GFM2: variants seen among roughly 807,000 people sequenced by gnomAD.
GFM2 encodes ribosome-releasing factor 2, mitochondrial.
GFM2 carries 72 observed loss-of-function variants against 95.4 expected under a neutral mutation model. That is an observed-to-expected ratio of 0.76 (90% CI 0.62 to 0.92). The LOEUF (loss-of-function observed/expected upper bound fraction) is 0.92, where lower values mean the gene tolerates loss of function less well. Among genes scored for constraint, GFM2 ranks in the 40% least tolerant of loss-of-function variants. The probability of loss-of-function intolerance (pLI) is 0.00; values close to 1 mark genes in which losing one functional copy is unlikely to be tolerated. For synonymous variants in GFM2, 276 were observed against 317.5 expected, an observed-to-expected ratio of 0.87 and a Z score of 1.39; for missense variants, 825 against 924.1, an observed-to-expected ratio of 0.89 and a Z score of 1.39.
At chr5:74,756,023 G>A (rs977409625) in intron 5 of GFM2, among the ~76,000 whole-genome samples, 5 of 152,102 alleles carry the variant, frequency 3.3e-5, no homozygotes, top group Admixed American at 2.6e-4. Flanking sequence ...GATCAAGTAG[G>A]TTTCATACCA....
intron 8 of GFM2, among the ~76,000 whole-genome samples, chr5:74,746,790 A>G (rs569614235): frequency 6.6e-6 from 1 of 152,208 alleles, no homozygotes; most frequent in African/African-American, 2.4e-5. Flanking sequence ...CTGACAATAA[A>G]TAAGTACTTC....
chr5:74,750,680 TAAG>T lies in GFM2; in HGVS notation c.431-16_431-14del. The T allele has an allele frequency of 6.3e-7, 1 of 1,586,944 alleles. No homozygotes were observed. The highest frequency in any genetic ancestry group is 8.6e-7 in the Non-Finnish European group (1 of 1,156,954). On this transcript the variant is annotated splice_polypyrimidine_tract_variant and intron_variant, in intron 6 of 20. Coordinates refer to ENST00000296805, the MANE Select transcript of GFM2 (RefSeq NM_032380.5). ...AAGTCCACATGACCTAAGAAAAAGA[TAAG>T]ACGTATAATGCCTTCTTTTTAACAA...
At chr5:74,758,716 T>C in intron 5 of GFM2, 133 bp downstream of exon 5, 1 of 617,266 alleles carries the variant, frequency 1.6e-6, no homozygotes, top group Non-Finnish European at 2.9e-6. Context: ...AACTATCTTA[T>C]CTTTAAATTG....
chr5:74,726,682 C>T (rs1252981223), intron 17 of GFM2, among the ~76,000 whole-genome samples: 2 of 152,136 alleles, frequency 1.3e-5, no homozygotes, highest in Non-Finnish European at 2.9e-5. Context: ...AACCAACAAT[C>T]TCCAATATTT....
At chr5:74,765,559 C>T (rs186033627) in intron 1 of GFM2, among the ~76,000 whole-genome samples, 1 of 152,114 alleles carries the variant, frequency 6.6e-6, no homozygotes, top group East Asian at 1.9e-4. Flanking sequence ...GGAGGAAATT[C>T]GGGGGATTGA....
At chr5:74,748,117 G>A (rs1743483479) in intron 7 of GFM2, among the ~76,000 whole-genome samples, 1 of 152,072 alleles carries the variant, frequency 6.6e-6, no homozygotes, top group Non-Finnish European at 1.5e-5. Flanking sequence ...TTCTTGTTTG[G>A]CTTCACTTTT....
chr5:74,721,318 A>C lies in GFM2; in HGVS notation c.*337T>G. The stretch of plus-strand genomic sequence containing the variant: ...TGACCCTCTATCTTATTACATTTAG[A>C]GGCCTGGCATCTTTCTTGTGAGACA... On this transcript the variant is annotated 3_prime_UTR_variant, in exon 21 of 21. Transcript: ENST00000296805. 3 of 797,194 alleles carry C rather than the reference A, an allele frequency of 3.8e-6. No individual in the cohort carries two copies. Among genetic ancestry groups the C allele is most frequent in the Non-Finnish European group, 6.5e-6 (3 of 459,766 alleles). 49.4% of individuals were successfully genotyped at this position (797,194 alleles called of 1,614,324 possible). A position where few individuals can be genotyped will look rare whatever the true frequency, so the allele number is the denominator to read the frequency against.
intron 7 of GFM2, among the ~76,000 whole-genome samples, chr5:74,748,923 A>G (rs1179555765): frequency 7.2e-6 from 1 of 139,076 alleles, no homozygotes; most frequent in Non-Finnish European, 1.5e-5. Flanking sequence ...AAAATAAAAA[A>G]AAATAAAAAA....
chr5:74,746,163 A>C lies in GFM2; in HGVS notation c.611T>G (p.Phe204Cys). 6.8e-7 allele frequency: 1 copy of C among 1,479,494 alleles called. No individual in the cohort carries two copies. Among genetic ancestry groups the C allele is most frequent in the South Asian group, 1.4e-5 (1 of 69,122 alleles). The allele number at this position is 1,479,494 out of a possible 1,614,324, so 91.6% of individuals were successfully genotyped here. Reference protein sequence around the residue: ...LNKMDKTGASFKYAVESIREK... With the variant: ...LNKMDKTGASCKYAVESIREK... ...TCTGATGCTTTCAACTGCATACTTA[A>C]AGCTGTAGAAAGCAAAATAATTATA... The change falls in exon 9 of 21, where the codon TTT (phenylalanine) becomes TGT (cysteine). Residue 204 changes from phenylalanine (F) to cysteine (C), a missense_variant and splice_region_variant. By Grantham distance (205) the Phe-to-Cys change is radical. Coordinates refer to ENST00000296805, the MANE Select transcript of GFM2 (RefSeq NM_032380.5).
chr5:74,730,576 T>C (rs1366655774), intron 16 of GFM2, 178 bp from the exon 17 acceptor site: 7 of 423,348 alleles, frequency 1.7e-5, no homozygotes, highest in Non-Finnish European at 2.9e-5. Context: ...CTGACTGGAA[T>C]AATGAATCAA....
chr5:74,726,121 A>G lies in GFM2; in HGVS notation c.1732T>C (p.Leu578=). 1 of 1,601,862 alleles carries G rather than the reference A, an allele frequency of 6.2e-7. No homozygotes were observed. Among genetic ancestry groups the G allele is most frequent in the East Asian group, 2.2e-5 (1 of 44,776 alleles). The stretch of plus-strand genomic sequence containing the variant: ...CTTTTGTCTCCTAAAGTTCTATCTA[A>G]GGTATCTGTAAACAAATTGAATATG... The part of the protein sequence containing the change: ...ILNSVRATDT[L]DRTLGDKRHL... The change falls in exon 18 of 21, where the codon TTA becomes CTA. Residue 578 remains leucine, a synonymous_variant. Transcript: ENST00000296805.
chr5:74,738,682 T>C (rs1288509887), intron 12 of GFM2, 40 bp from the exon 13 acceptor site: 1 of 1,561,440 alleles, frequency 6.4e-7, no homozygotes, highest in Non-Finnish European at 8.7e-7. Flanking sequence ...TAAAATACAC[T>C]TCCCATAACT....
intron 19 of GFM2, among the ~76,000 whole-genome samples, chr5:74,723,595 T>C (rs919739577): frequency 6.6e-6 from 1 of 152,216 alleles, no homozygotes; most frequent in Non-Finnish European, 1.5e-5. Flanking sequence ...TACTTCTCTC[T>C]TCGAAACCTT....
Position 74,750,576 on chromosome 5 carries a change from T to TAAA in GFM2, c.519+2_519+3insTTT. On this transcript the variant is annotated splice_region_variant and intron_variant, in intron 7 of 20. Coordinates refer to ENST00000296805, the MANE Select transcript of GFM2 (RefSeq NM_032380.5). ...TTCCCTTTACTTTGGCAATATTATT[T>TAAA]ACCTCTACACCAGCAGAGGCATCAA... 1 of 1,604,862 alleles carries TAAA rather than the reference T, an allele frequency of 6.2e-7. No homozygotes were observed. The highest frequency in any genetic ancestry group is 8.5e-7 in the Non-Finnish European group (1 of 1,172,322).
intron 2 of GFM2, 70 bp from the exon 3 acceptor site, chr5:74,761,056 A>C (rs1260561642): frequency 1.2e-6 from 1 of 842,644 alleles, no homozygotes; most frequent in African/African-American, 1.7e-5. Flanking sequence ...TTAATATTGT[A>C]ATTACGCTTT....
chr5:74,763,387 G>T (rs1361474557), intron 2 of GFM2, among the ~76,000 whole-genome samples: 1 of 152,184 alleles, frequency 6.6e-6, no homozygotes, highest in Admixed American at 6.5e-5. Context: ...ATTAAGTGAT[G>T]ACATTCTTAG....
At chr5:74,727,011 A>G (rs755290944) in intron 17 of GFM2, among the ~76,000 whole-genome samples, 4 of 152,114 alleles carry the variant, frequency 2.6e-5, no homozygotes, top group Non-Finnish European at 4.4e-5. Flanking sequence ...TGTAAAAAAT[A>G]ATAAAAATTA....
intron 5 of GFM2, among the ~76,000 whole-genome samples, chr5:74,754,846 TG>T (rs1743899666): frequency 6.6e-6 from 1 of 152,182 alleles, no homozygotes; most frequent in African/African-American, 2.4e-5. Flanking sequence ...CCAGGCGCAG[TG>T]GCTCATGCAT....
intron 1 of GFM2, among the ~76,000 whole-genome samples, chr5:74,766,328 A>G (rs1744603597): frequency 6.6e-6 from 1 of 152,236 alleles, no homozygotes. Context: ...AACAAAAACA[A>G]AAACAAAATA....
Sources: allele counts gnomAD v4.1 joint callset (sites outside exome capture counted in the v4.1 genomes callset), GRCh38; gene constraint gnomAD v4.1.1; transcripts MANE v1.5; gene names NCBI Gene and HGNC (gene_info 2026-07-23, HGNC 2026-07-21).